The following PITPNC1 variants were observed in gnomAD, a reference collection of about 807,000 sequenced individuals.
PITPNC1 encodes the protein phosphatidylinositol transfer protein cytoplasmic 1, also known as cytoplasmic phosphatidylinositol transfer protein 1.
In PITPNC1, 18 loss-of-function variants were observed where a neutral mutation model predicts 44.7. That is an observed-to-expected ratio of 0.40 (90% CI 0.28 to 0.60). PITPNC1 has a LOEUF of 0.60. Ranked by LOEUF, PITPNC1 falls within the 20% of genes least tolerant of loss-of-function variation. The pLI is 0.39. For missense variants in PITPNC1, 290 were observed against 418.4 expected, an observed-to-expected ratio of 0.69 and a Z score of 2.68; for synonymous variants, 141 against 149.6, an observed-to-expected ratio of 0.94 and a Z score of 0.42.
rs940746428 is a variant in PITPNC1, at chr17:67,597,291, C to T, written c.366+19034C>T. On this transcript the variant is annotated intron_variant, in intron 5 of 8. Transcript: ENST00000581322. This position sits in a 1 kb window ranked among gnomAD's most constrained non-coding sequence, Gnocchi z 4.0. ...TCCTCAGGCTGAGCATGGTGGCTCA[C>T]GCCTGTAATCCCCGCACTTTGGGAG... is the stretch of plus-strand genomic sequence containing the variant. 3.9e-5 allele frequency among the ~76,000 whole-genome samples: 6 copies of T among 152,220 alleles called. No homozygotes were observed. In the South Asian group the frequency reaches 6.2e-4, roughly 16 times the overall value.
chr17:67,423,277 A>G (rs2038697213), intron 1 of PITPNC1, among the ~76,000 whole-genome samples: 1 of 152,202 alleles, frequency 6.6e-6, no homozygotes, highest in African/African-American at 2.4e-5. Context: ...AAATCACTGG[A>G]TACAAGTTGA....
Position 67,651,114 on chromosome 17 carries a change from TG to T in PITPNC1, c.463-18393del, listed in dbSNP as rs982733367. Among the ~76,000 whole-genome samples the T allele has an allele frequency of 9.2e-5, 14 of 152,324 alleles. No homozygotes were observed. The East Asian group carries it at 1.2e-3, about 13-fold the overall frequency. On this transcript the variant is annotated intron_variant, in intron 6 of 8. Coordinates refer to ENST00000581322, the MANE Select transcript of PITPNC1 (RefSeq NM_012417.4). ...ATGATTTGCATTTAGGGTTTTGGTTTGTTTTTTTTTAAGTTGATGCATAGCA... is the reference window on the plus strand; with the variant it reads ...ATGATTTGCATTTAGGGTTTTGGTTTTTTTTTTTTAAGTTGATGCATAGCA...
At chr17:67,658,283 T>TGAGAA (rs1467075323) in intron 6 of PITPNC1, among the ~76,000 whole-genome samples, 4 of 152,246 alleles carry the variant, frequency 2.6e-5, no homozygotes, top group African/African-American at 7.2e-5. Context: ...TGGCCTTTCC[T>TGAGAA]CTGATTGATC....
At chr17:67,650,380 T>G (rs775194462) in intron 6 of PITPNC1, among the ~76,000 whole-genome samples, 1 of 151,108 alleles carries the variant, frequency 6.6e-6, no homozygotes, top group Non-Finnish European at 1.5e-5. Flanking sequence ...TTGCAAGTTC[T>G]CATTTGCTTT....
intron 1 of PITPNC1, among the ~76,000 whole-genome samples, chr17:67,453,891 A>C (rs980526203): frequency 6.6e-5 from 10 of 152,158 alleles, no homozygotes; most frequent in Non-Finnish European, 8.8e-5. Flanking sequence ...AATTCACCAG[A>C]ATGTACTGGC....
intron 2 of PITPNC1, among the ~76,000 whole-genome samples, chr17:67,543,307 G>T (rs765425161): frequency 6.6e-6 from 1 of 152,178 alleles, no homozygotes; most frequent in Non-Finnish European, 1.5e-5. Context: ...TCCACCACTT[G>T]TTCCAAAATC....
chr17:67,393,129 CA>C (rs79602275), intron 1 of PITPNC1, among the ~76,000 whole-genome samples: 2,516 of 96,512 alleles, frequency 0.026, 65 homozygotes, highest in African/African-American at 0.078. Flanking sequence ...GACTCCACCT[CA>C]AAAAAAAAAA....
At chr17:67,466,948 G>C (rs1376532606) in intron 1 of PITPNC1, among the ~76,000 whole-genome samples, 2 of 151,078 alleles carry the variant, frequency 1.3e-5, no homozygotes, top group African/African-American at 4.9e-5. Context: ...GGCTTTGACT[G>C]TTTTTGCAAA....
chr17:67,514,011 GAA>G (rs113151579), intron 1 of PITPNC1, among the ~76,000 whole-genome samples: 1 of 145,608 alleles, frequency 6.9e-6, no homozygotes. Flanking sequence ...GCAAAGAAGG[GAA>G]AAAAAAAAAT....
At chr17:67,674,073 A>G (rs573419179) in intron 7 of PITPNC1, among the ~76,000 whole-genome samples, 21 of 152,194 alleles carry the variant, frequency 1.4e-4, no homozygotes, top group African/African-American at 5.1e-4. Flanking sequence ...TAGGGGGTAC[A>G]TGAGATGTTT....
At chr17:67,595,739 T>G (rs1379882280) in intron 5 of PITPNC1, among the ~76,000 whole-genome samples, 1 of 152,202 alleles carries the variant, frequency 6.6e-6, no homozygotes, top group Non-Finnish European at 1.5e-5. Flanking sequence ...ATTTCTCCAC[T>G]AATACCTATT....
chr17:67,397,408 A>C (rs377331923), intron 1 of PITPNC1, among the ~76,000 whole-genome samples: 7 of 152,292 alleles, frequency 4.6e-5, no homozygotes, highest in African/African-American at 1.7e-4. Flanking sequence ...TGGCCACCTC[A>C]GTGCTGTCCT....
chr17:67,471,012 G>A (rs1013834648), intron 1 of PITPNC1, among the ~76,000 whole-genome samples: 2 of 122,996 alleles, frequency 1.6e-5, no homozygotes, highest in African/African-American at 3.3e-5. Flanking sequence ...CAGCATGCTC[G>A]TTAAGAGTCA....
In PITPNC1 at chr17:67,435,566, GT is replaced by G. The variant is rs758633536; in HGVS notation, c.48+57367del. ...AGTGAACAAGGACACAAATAATACA[GT>G]TTCAGGCCAGGTGCGGTGGCCTACA... On this transcript the variant is annotated intron_variant, in intron 1 of 8. Coordinates refer to ENST00000581322, the MANE Select transcript of PITPNC1 (RefSeq NM_012417.4). 1.1e-4 allele frequency among the ~76,000 whole-genome samples: 16 copies of G among 152,336 alleles called. No individual in the cohort carries two copies. In the East Asian group the frequency reaches 1.7e-3, roughly 17 times the overall value.
At chr17:67,518,506 A>G (rs2040285456) in intron 1 of PITPNC1, among the ~76,000 whole-genome samples, 1 of 137,160 alleles carries the variant, frequency 7.3e-6, no homozygotes, top group Non-Finnish European at 1.7e-5. Context: ...TTCAGTACTT[A>G]TTTGGAAGAA....
chr17:67,471,554 T>G (rs768094101), intron 1 of PITPNC1: 1 of 381,514 alleles, frequency 2.6e-6, no homozygotes, highest in South Asian at 2.0e-5. Flanking sequence ...AAAACCACAA[T>G]TACTTTTGCA....
At chr17:67,631,655 A>ATATATATATATATATATATATATAT (rs57804710) in intron 5 of PITPNC1, among the ~76,000 whole-genome samples, 1 of 8,306 alleles carries the variant, frequency 1.2e-4, no homozygotes, top group Non-Finnish European at 2.6e-4. Flanking sequence ...AAAAAAAAAA[A>ATATATATATATATATATATATATAT]AAATATATAT....
At chr17:67,457,438 G>A (rs1001170597) in intron 1 of PITPNC1, 3 of 152,320 alleles carry the variant, frequency 2.0e-5, no homozygotes, top group Non-Finnish European at 2.9e-5. Context: ...CCATGCTGGA[G>A]TGCAGTGGTG....
At chr17:67,546,117 T>C (rs553793650) in intron 2 of PITPNC1, among the ~76,000 whole-genome samples, 12 of 151,748 alleles carry the variant, frequency 7.9e-5, no homozygotes, top group Non-Finnish European at 1.3e-4. Context: ...CACTTGAACC[T>C]GGGAGGTGGA....
Sources: gnomAD v4.1 joint callset for allele counts (sites outside exome capture counted in the v4.1 genomes callset) on GRCh38, gnomAD v4.1.1 for gene constraint, Gnocchi (gnomAD v3.1) non-coding constraint, MANE v1.5 for transcripts, NCBI Gene and HGNC (gene_info 2026-07-23, HGNC 2026-07-21) for gene names.